Variants in SLC40A1 observed in about 807,000 individuals in gnomAD.
SLC40A1 encodes ferroportin.
Under a neutral mutation model 53.5 loss-of-function variants are expected in SLC40A1, and 16 were observed. The ratio of observed to expected loss-of-function variants is 0.30; its 90% CI spans 0.20 to 0.45. The LOEUF (loss-of-function observed/expected upper bound fraction) is 0.45, where lower values mean the gene tolerates loss of function less well. Ranked by LOEUF, SLC40A1 falls within the 20% of genes least tolerant of loss-of-function variation. SLC40A1 has a pLI of 1.00. For synonymous variants in SLC40A1, 247 were observed against 253.2 expected (o/e 0.98, Z 0.23); for missense variants, 545 against 695.4 (o/e 0.78, Z 2.43).
chr2:189,575,464 C>T (rs2031259614), intron 2 of SLC40A1, 144 bp from the exon 3 acceptor site: 2 of 756,884 alleles, frequency 2.6e-6, no homozygotes, highest in East Asian at 5.3e-5. Flanking sequence ...AGATTGAATA[C>T]TGCTCAGATG....
chr2:189,573,745 GA>G (rs1270408160), intron 3 of SLC40A1, among the ~76,000 whole-genome samples: 1 of 152,180 alleles, frequency 6.6e-6, no homozygotes, highest in Admixed American at 6.5e-5. Flanking sequence ...AAGCAGTTTG[GA>G]AAACATGAAG....
In SLC40A1 at chr2:189,562,088, A is replaced by T. The variant is rs1267348852; in HGVS notation, c.1506T>A (p.Leu502=). The T allele has an allele frequency of 1.2e-6, 2 of 1,614,088 alleles. No homozygotes were observed. The highest frequency in any genetic ancestry group is 1.7e-6 in the Non-Finnish European group (2 of 1,179,950). Residue 502 remains leucine, a synonymous_variant, in exon 8 of 8, where the codon CTT becomes CTA. Coordinates refer to ENST00000261024, the MANE Select transcript of SLC40A1 (RefSeq NM_014585.6). The stretch of plus-strand genomic sequence containing the variant: ...CCATGATGAAATGCAGAAGATCAAG[A>T]AGATAGTTCATGGAGTTCTGTACAC... ...INGVQNSMNY[L]LDLLHFIMVI... is the part of the protein sequence containing the mutation.
chr2:189,580,696 C>G lies in SLC40A1; in HGVS notation c.-236G>C. ...AACACTGTAGCTGAAGTTGGAAAGG[C>G]AAAGCCTTATGGAAGCGGTTTGGGA... On this transcript the variant is annotated 5_prime_UTR_variant, in exon 1 of 8. Coordinates refer to ENST00000261024, the MANE Select transcript of SLC40A1 (RefSeq NM_014585.6). The G allele has an allele frequency of 1.4e-6, 2 of 1,458,292 alleles. No homozygotes were observed. Among genetic ancestry groups the G allele is most frequent in the South Asian group, 2.6e-5 (2 of 75,632 alleles). 90.3% of individuals were successfully genotyped at this position (1,458,292 alleles called of 1,614,324 possible).
At chr2:189,572,805 T>C in intron 4 of SLC40A1, 41 bp downstream of exon 4, 1 of 1,362,434 alleles carries the variant, frequency 7.3e-7, no homozygotes, top group Non-Finnish European at 1.1e-6. Context: ...CACTACCAGA[T>C]ATTCAATTTT....
Position 189,571,623 on chromosome 2 carries a change from A to G in SLC40A1, c.514+92T>C, listed in dbSNP as rs548086151. 4 of 1,545,138 alleles carry G rather than the reference A, an allele frequency of 2.6e-6. No individual in the cohort carries two copies. In the South Asian group the frequency reaches 3.6e-5, roughly 14 times the overall value. On this transcript the variant is annotated intron_variant, in intron 5 of 7. Transcript: ENST00000261024. ...TTATCATTCTTAAAAAATACCCAGA[A>G]CAAAAATACAAGGCTTACAGCCTCA...
intron 2 of SLC40A1, among the ~76,000 whole-genome samples, chr2:189,577,664 G>T (rs1384894274): frequency 1.3e-5 from 2 of 149,464 alleles, no homozygotes; most frequent in African/African-American, 5.0e-5. Flanking sequence ...GTCCAGGCTG[G>T]AGTGTAGTGG....
chr2:189,563,039 C>G (rs993537220), intron 7 of SLC40A1, among the ~76,000 whole-genome samples: 1 of 151,676 alleles, frequency 6.6e-6, no homozygotes, highest in Middle Eastern at 3.2e-3. Context: ...AATTAAATTA[C>G]ATTTAAAAAG....
rs752606270 is a variant in SLC40A1, at chr2:189,565,586, T to C, written c.528A>G (p.Thr176=). ...TGGTTAACTGGTCAATCCTTCGTAT[T>C]GTGGCATTCATATCTAGAGAGGCAG... is the stretch of plus-strand genomic sequence containing the variant. ...DRSKLANMNA[T]IRRIDQLTNI... The change falls in exon 6 of 8, where the codon ACA becomes ACG. Residue 176 remains threonine (T), a synonymous_variant. Transcript: ENST00000261024. The C allele has an allele frequency of 1.2e-6, 2 of 1,614,218 alleles. No homozygotes were observed. The highest frequency in any genetic ancestry group is 2.2e-5 in the South Asian group (2 of 91,088).
chr2:189,571,696 A>C lies in SLC40A1; in HGVS notation c.514+19T>G, dbSNP rs372706693. 1.8e-5 allele frequency: 29 copies of C among 1,612,054 alleles called. No homozygotes were observed. The African/African-American group carries it at 3.9e-4, about 22-fold the overall frequency. On this transcript the variant is annotated intron_variant, in intron 5 of 7. Coordinates refer to ENST00000261024, the MANE Select transcript of SLC40A1 (RefSeq NM_014585.6). Reference sequence around the variant, plus strand: ...GAATCCTAACATGCTCATTTCATTAAAAGAGAAAGCCAAATTACTTGCTAG... The same window carrying C: ...GAATCCTAACATGCTCATTTCATTACAAGAGAAAGCCAAATTACTTGCTAG...
chr2:189,578,747 T>A (rs1207516151), intron 2 of SLC40A1, among the ~76,000 whole-genome samples: 1 of 152,178 alleles, frequency 6.6e-6, no homozygotes, highest in Non-Finnish European at 1.5e-5. Context: ...ATTTGCAGAG[T>A]CACCCCTGTG....
intron 7 of SLC40A1, among the ~76,000 whole-genome samples, chr2:189,562,704 A>G (rs1264870288): frequency 1.3e-5 from 2 of 152,188 alleles, no homozygotes; most frequent in African/African-American, 4.8e-5. Flanking sequence ...AAACAGTTTC[A>G]TTTCAAGACT....
intron 7 of SLC40A1, 34 bp from the exon 8 acceptor site, chr2:189,562,225 T>C (rs546169543): frequency 1.4e-6 from 2 of 1,480,124 alleles, no homozygotes; most frequent in Admixed American, 1.9e-5. Flanking sequence ...GATTAGATTT[T>C]AGTTTACAGG....
In SLC40A1 at chr2:189,560,945, A is replaced by C. The variant is rs2030718044; in HGVS notation, c.*933T>G. 1 of 152,376 alleles carries C rather than the reference A, an allele frequency of 6.6e-6. No homozygotes were observed. Among genetic ancestry groups the C allele is most frequent in the African/African-American group, 2.4e-5 (1 of 41,586 alleles). 9.4% of individuals were successfully genotyped at this position (152,376 alleles called of 1,614,324 possible). On this transcript the variant is annotated 3_prime_UTR_variant, in exon 8 of 8. Coordinates refer to ENST00000261024, the MANE Select transcript of SLC40A1 (RefSeq NM_014585.6). ...GGTATAAAACAGTAAAAATAAAAAT[A>C]TTCTACCTGAGTGTGTTAAATCAAG...
At chr2:189,573,340 G>A (rs535465993) in intron 3 of SLC40A1, among the ~76,000 whole-genome samples, 9 of 152,326 alleles carry the variant, frequency 5.9e-5, no homozygotes, top group African/African-American at 1.9e-4. Context: ...CATGTATGAG[G>A]TTAAAGAGGA....
At position 189,561,099 on chromosome 2, in the gene SLC40A1, T is replaced by G. The variant is rs1276996098; in HGVS notation, c.*779A>C. ...ATAACATGAGTTAAATTGGGATTCT[T>G]GCCCTTCTGTGTGGCTTTTGGCTTC... On this transcript the variant is annotated 3_prime_UTR_variant, in exon 8 of 8. Transcript: ENST00000261024. 3.3e-5 allele frequency: 5 copies of G among 152,246 alleles called. No individual in the cohort carries two copies. Among genetic ancestry groups the G allele is most frequent in the African/African-American group, 1.2e-4 (5 of 41,462 alleles). The allele number at this position is 152,246 out of a possible 1,614,324, so 9.4% of individuals were successfully genotyped here.
intron 2 of SLC40A1, among the ~76,000 whole-genome samples, chr2:189,576,593 G>C (rs1333995687): frequency 1.3e-5 from 2 of 152,230 alleles, no homozygotes; most frequent in Admixed American, 1.3e-4. Context: ...CAACAGCAAG[G>C]GGGTGGAGCT....
chr2:189,575,311 T>A lies in SLC40A1; in HGVS notation c.121A>T (p.Met41Leu). 2 of 1,614,082 alleles carry A rather than the reference T, an allele frequency of 1.2e-6. No individual in the cohort carries two copies. Among genetic ancestry groups the A allele is most frequent in the Non-Finnish European group, 1.7e-6 (2 of 1,179,964 alleles). Residue 41 changes from methionine to leucine, a missense_variant, in exon 3 of 8, where the codon ATG becomes TTG. Met to Leu is a conservative substitution (Grantham distance 15). Around this residue, in one of 4 missense-constraint regions of SLC40A1, gnomAD observed 197 missense variants for 278.8 expected, o/e 0.71. Coordinates refer to ENST00000261024, the MANE Select transcript of SLC40A1 (RefSeq NM_014585.6). ...GHSLSTWGDRMWHFAVSVFLV... is the reference protein window; with the variant it reads ...GHSLSTWGDRLWHFAVSVFLV... ...AACACAGACACCGCAAAGTGCCACA[T>A]CCGATCTCCCTTAAATGAAAAGAGA... is the stretch of plus-strand genomic sequence containing the variant.
At position 189,570,587 on chromosome 2, in the gene SLC40A1, C is replaced by T. The variant is rs150211219; in HGVS notation, c.514+1128G>A. Among the ~76,000 whole-genome samples the T allele has an allele frequency of 2.1e-3, 322 of 152,284 alleles. 2 individuals are homozygous for T. Among genetic ancestry groups the T allele is most frequent in the African/African-American group, 7.4e-3 (306 of 41,568 alleles). The stretch of plus-strand genomic sequence containing the variant: ...TTCCTGTGATACAGATTCACACATG[C>T]TAAATTCATCTTACATACACACCAT... On this transcript the variant is annotated intron_variant, in intron 5 of 7. Coordinates refer to ENST00000261024, the MANE Select transcript of SLC40A1 (RefSeq NM_014585.6).
chr2:189,574,831 ATAC>A (rs1338337660), intron 3 of SLC40A1, among the ~76,000 whole-genome samples: 5 of 152,224 alleles, frequency 3.3e-5, no homozygotes, highest in African/African-American at 1.2e-4. Flanking sequence ...CCAGTACAAG[ATAC>A]AGTTAGGAAG....
Sources: gnomAD v4.1 joint callset for allele counts (sites outside exome capture counted in the v4.1 genomes callset) on GRCh38, gnomAD v4.1.1 for gene constraint, gnomAD v4.1.1 regional missense constraint, MANE v1.5 for transcripts, NCBI Gene and HGNC (gene_info 2026-07-23, HGNC 2026-07-21) for gene names.